FBXL7: variants seen among roughly 807,000 people sequenced by gnomAD.
FBXL7 encodes F-box and leucine rich repeat protein 7.
A neutral mutation model predicts 38.3 loss-of-function variants in FBXL7; 12 were observed. That is an observed-to-expected ratio of 0.31 (90% confidence interval 0.20 to 0.51). The LOEUF is 0.51. FBXL7 is among the 20% of genes least tolerant of loss of function. The pLI, the probability that FBXL7 is intolerant of heterozygous loss-of-function variation, is 0.98. For missense variants in FBXL7, 567 were observed against 676.4 expected (o/e 0.84, Z 1.79); for synonymous variants, 297 against 300.9 (o/e 0.99, Z 0.13).
At chr5:15,702,228 C>T (rs1306272454) in intron 2 of FBXL7, among the ~76,000 whole-genome samples, 4 of 113,478 alleles carry the variant, frequency 3.5e-5, no homozygotes, top group Non-Finnish European at 7.3e-5. Context: ...CAAAGCGAGA[C>T]TCCTCTCAAA....
At chr5:15,841,581 T>C (rs1372715290) in intron 2 of FBXL7, among the ~76,000 whole-genome samples, 1 of 152,126 alleles carries the variant, frequency 6.6e-6, no homozygotes, top group African/African-American at 2.4e-5. Flanking sequence ...CCCAACATCA[T>C]GATATATTAA....
rs1736636718 is a variant in FBXL7, at chr5:15,768,091, GA to G, written c.127+152021del. On this transcript the variant is annotated intron_variant, in intron 2 of 3. Coordinates refer to ENST00000504595, the MANE Select transcript of FBXL7 (RefSeq NM_012304.5). Reference sequence around the variant, plus strand: ...GTCCACAGTTTAGTGTCAGCAGCAGGAATGGTTGTTGTTTGTTTTTACACTG... The same window carrying G: ...GTCCACAGTTTAGTGTCAGCAGCAGGATGGTTGTTGTTTGTTTTTACACTG... 2.6e-5 allele frequency among the ~76,000 whole-genome samples: 4 copies of G among 152,304 alleles called. No homozygotes were observed. The South Asian group carries it at 8.3e-4, about 32-fold the overall frequency.
At chr5:15,833,129 G>A (rs995808350) in intron 2 of FBXL7, among the ~76,000 whole-genome samples, 2 of 152,038 alleles carry the variant, frequency 1.3e-5, no homozygotes, top group African/African-American at 2.4e-5. Context: ...TGTAAATTGC[G>A]TCAGTCTCGG....
At chr5:15,763,304 A>G (rs1254806675) in intron 2 of FBXL7, among the ~76,000 whole-genome samples, 1 of 152,218 alleles carries the variant, frequency 6.6e-6, no homozygotes, top group African/African-American at 2.4e-5. Context: ...ATTTACAGTA[A>G]GTTAGATCCT....
intron 1 of FBXL7, among the ~76,000 whole-genome samples, chr5:15,540,961 T>C (rs1424454852): frequency 6.6e-6 from 1 of 152,146 alleles, no homozygotes; most frequent in African/African-American, 2.4e-5. Context: ...CTTCAGACCA[T>C]TGACCCTAGG....
At chr5:15,843,083 TTCTC>T (rs772387224) in intron 2 of FBXL7, among the ~76,000 whole-genome samples, 9 of 152,214 alleles carry the variant, frequency 5.9e-5, no homozygotes, top group African/African-American at 9.6e-5. Flanking sequence ...TTTTAGGTGA[TTCTC>T]TATATAATTT....
chr5:15,568,514 A>G (rs1365022438), intron 1 of FBXL7, among the ~76,000 whole-genome samples: 1 of 151,802 alleles, frequency 6.6e-6, no homozygotes, highest in Admixed American at 6.6e-5. Context: ...AGTAGATTGC[A>G]AAAATTTTCT....
At chr5:15,611,996 C>G (rs1279602002) in intron 1 of FBXL7, among the ~76,000 whole-genome samples, 1 of 151,252 alleles carries the variant, frequency 6.6e-6, no homozygotes, top group Non-Finnish European at 1.5e-5. Context: ...AAAAAGAAAA[C>G]AAAAATAAAA....
chr5:15,805,275 GA>G (rs1737678278), intron 2 of FBXL7, among the ~76,000 whole-genome samples: 1 of 152,180 alleles, frequency 6.6e-6, no homozygotes. Flanking sequence ...CAGCTTTATA[GA>G]GACAGAATAG....
At chr5:15,624,754 C>CT (rs1740754318) in intron 2 of FBXL7, among the ~76,000 whole-genome samples, 1 of 152,148 alleles carries the variant, frequency 6.6e-6, no homozygotes, top group African/African-American at 2.4e-5. Flanking sequence ...TTAGAAATAA[C>CT]TCCAAGAACA....
intron 2 of FBXL7, among the ~76,000 whole-genome samples, chr5:15,894,063 G>A (rs13164468): frequency 0.27 from 40,817 of 152,212 alleles, 5,694 homozygotes; most frequent in Admixed American, 0.41. Flanking sequence ...CAAGGCGGGC[G>A]GTCGGGAGTT....
intron 2 of FBXL7, among the ~76,000 whole-genome samples, chr5:15,919,883 T>C (rs745824876): frequency 6.6e-6 from 1 of 152,132 alleles, no homozygotes; most frequent in Non-Finnish European, 1.5e-5. Context: ...CTGAAGGACA[T>C]AGGAAAGAAA....
In FBXL7 at chr5:15,928,169, G is replaced by T; in HGVS notation, c.407G>T (p.Arg136Leu). ...TTCCTGCCCACCAACCAGCTGTGCC[G>T]CTGCGCGCGAGTGTGCCGCCGCTGG... ...FSFLPTNQLC[R>L]CARVCRRWYN... Residue 136 changes from arginine (R) to leucine (L), a missense_variant, in exon 3 of 4, where the codon CGC (arginine) becomes CTC (leucine). Transcript: ENST00000504595. The surrounding 1 kb of genome is among the most constrained non-coding windows in gnomAD (Gnocchi z 4.0). 1 of 1,609,698 alleles carries T rather than the reference G, an allele frequency of 6.2e-7. No individual in the cohort carries two copies.
At chr5:15,718,701 T>A (rs1257080569) in intron 2 of FBXL7, among the ~76,000 whole-genome samples, 2 of 152,212 alleles carry the variant, frequency 1.3e-5, no homozygotes, top group Non-Finnish European at 2.9e-5. Context: ...AAAATAAATA[T>A]CATCAGTACA....
intron 2 of FBXL7, among the ~76,000 whole-genome samples, chr5:15,687,778 G>T (rs1490818356): frequency 3.9e-5 from 6 of 152,138 alleles, no homozygotes; most frequent in Non-Finnish European, 7.4e-5. Flanking sequence ...TAGTTATTTG[G>T]GTCTCAAGTC....
chr5:15,927,764 T>TAAAAAAAAAAATAAAAAAAAAAAAA (rs1741915706), intron 2 of FBXL7, 126 bp from the exon 3 acceptor site: 1 of 401,974 alleles, frequency 2.5e-6, no homozygotes, highest in African/African-American at 3.8e-5. Flanking sequence ...GACAAGATCT[T>TAAAAAAAAAAATAAAAAAAAAAAAA]AAAAAAAAAA....
intron 2 of FBXL7, among the ~76,000 whole-genome samples, chr5:15,753,246 T>C (rs1450209131): frequency 6.6e-6 from 1 of 152,184 alleles, no homozygotes; most frequent in Non-Finnish European, 1.5e-5. Flanking sequence ...CCTACTTTGT[T>C]CTTTCAGCAG....
chr5:15,586,407 CCTTTT>C (rs1739307584), intron 1 of FBXL7, among the ~76,000 whole-genome samples: 1 of 151,070 alleles, frequency 6.6e-6, no homozygotes, highest in Non-Finnish European at 1.5e-5. Context: ...CTTGCCCCCT[CCTTTT>C]CTTTCCCAAA....
intron 1 of FBXL7, among the ~76,000 whole-genome samples, chr5:15,569,035 C>G (rs1179676674): frequency 1.3e-5 from 2 of 152,166 alleles, no homozygotes; most frequent in African/African-American, 4.8e-5. Flanking sequence ...ATGCCTCCAG[C>G]TTTGTTCTTT....
Sources: allele counts gnomAD v4.1 joint callset (sites outside exome capture counted in the v4.1 genomes callset), GRCh38; gene constraint gnomAD v4.1.1; non-coding constraint Gnocchi (gnomAD v3.1); transcripts MANE v1.5; gene names NCBI Gene and HGNC (gene_info 2026-07-23, HGNC 2026-07-21).